FAT3: variants seen among roughly 807,000 people sequenced by gnomAD.
FAT3 encodes the protein FAT atypical cadherin 3, also known as protocadherin Fat 3.
In FAT3, 95 loss-of-function variants were observed where a neutral mutation model predicts 310.2. The observed-to-expected ratio is 0.31, with a 90% CI of 0.26 to 0.36. The LOEUF (loss-of-function observed/expected upper bound fraction) is 0.36. Among genes scored for constraint, FAT3 ranks in the 10% least tolerant of loss-of-function variants. FAT3 has a pLI of 1.00. For missense variants in FAT3, 5,408 were observed against 5,715.6 expected (o/e 0.95, Z 1.74); for synonymous variants, 2,314 against 2,192.9 (o/e 1.06, Z -1.54).
At chr11:92,349,987 A>T (rs1591149083) in intron 1 of FAT3, among the ~76,000 whole-genome samples, 1 of 152,006 alleles carries the variant, frequency 6.6e-6, no homozygotes. Flanking sequence ...CTGAAAAAAA[A>T]AAAAAAAGAA....
At position 92,894,913 on chromosome 11, in the gene FAT3, C is replaced by T. The variant is rs966774106; in HGVS notation, c.*3800C>T. 6.6e-6 allele frequency: 1 copy of T among 152,202 alleles called. No individual in the cohort carries two copies. Among genetic ancestry groups the T allele is most frequent in the Non-Finnish European group, 1.5e-5 (1 of 68,040 alleles). 9.4% of individuals were successfully genotyped at this position (152,202 alleles called of 1,614,324 possible). On this transcript the variant is annotated 3_prime_UTR_variant, in exon 28 of 28. Transcript: ENST00000525166. Reference sequence around the variant, plus strand: ...AAGTTGAACATATCTACCATCAGTCCTCTCCTACTTACTTCCCACCCCACC... The same window carrying T: ...AAGTTGAACATATCTACCATCAGTCTTCTCCTACTTACTTCCCACCCCACC...
At chr11:92,570,485 G>T (rs111531062) in intron 3 of FAT3, among the ~76,000 whole-genome samples, 280 of 152,244 alleles carry the variant, frequency 1.8e-3, no homozygotes, top group African/African-American at 6.3e-3. Context: ...CAAGGGAAGA[G>T]AACAGTGGAA....
At chr11:92,754,223 A>G (rs1945912906) in intron 4 of FAT3, among the ~76,000 whole-genome samples, 1 of 152,174 alleles carries the variant, frequency 6.6e-6, no homozygotes, top group African/African-American at 2.4e-5. Flanking sequence ...TGCTCATTGC[A>G]GCACTATTCA....
intron 3 of FAT3, among the ~76,000 whole-genome samples, chr11:92,655,067 TCATATAACA>T (rs1795176555): frequency 6.6e-6 from 1 of 152,204 alleles, no homozygotes; most frequent in East Asian, 1.9e-4. Flanking sequence ...AGGTCTCAGT[TCATATAACA>T]CCTCCTCAGT....
chr11:92,793,402 C>A (rs1283822676), intron 9 of FAT3, among the ~76,000 whole-genome samples: 1 of 152,120 alleles, frequency 6.6e-6, no homozygotes, highest in East Asian at 1.9e-4. Context: ...GGTCTGTGGG[C>A]TTCAGAAATT....
At chr11:92,773,147 CAAA>C (rs1243297099) in intron 6 of FAT3, among the ~76,000 whole-genome samples, 1 of 152,028 alleles carries the variant, frequency 6.6e-6, no homozygotes, top group Admixed American at 6.5e-5. Context: ...TTCTCCCCCT[CAAA>C]AAAATCTTTC....
chr11:92,666,511 C>A (rs1942955855), intron 3 of FAT3, among the ~76,000 whole-genome samples: 1 of 150,956 alleles, frequency 6.6e-6, no homozygotes, highest in African/African-American at 2.5e-5. Flanking sequence ...GCCACCACGC[C>A]CAGCTATTTT....
chr11:92,805,930 C>A (rs1326554866), intron 11 of FAT3, among the ~76,000 whole-genome samples: 2 of 152,140 alleles, frequency 1.3e-5, no homozygotes, highest in Non-Finnish European at 2.9e-5. Context: ...AAAAGTATTG[C>A]AAATAGATTT....
chr11:92,565,404 C>A lies in FAT3; in HGVS notation c.3607+40456C>A, dbSNP rs1292046515. On this transcript the variant is annotated intron_variant, in intron 3 of 27. Coordinates refer to ENST00000525166, the MANE Select transcript of FAT3 (RefSeq NM_001367949.2). ...ATTGTGGCAATAATCAATAGCTTAC[C>A]AACCAAAAAGAGTCCAGGACCAGAT... is the stretch of plus-strand genomic sequence containing the variant. 1.0e-4 allele frequency among the ~76,000 whole-genome samples: 13 copies of A among 127,872 alleles called. No homozygotes were observed. In the Admixed American group the frequency reaches 1.1e-3, roughly 11 times the overall value. 83.9% of individuals were successfully genotyped at this position (127,872 alleles called of 152,430 possible).
chr11:92,855,381 C>G (rs1005750595), intron 19 of FAT3, among the ~76,000 whole-genome samples: 1 of 152,114 alleles, frequency 6.6e-6, no homozygotes, highest in African/African-American at 2.4e-5. Flanking sequence ...TCCTCTGGTC[C>G]CTCCATTGTG....
intron 22 of FAT3, among the ~76,000 whole-genome samples, chr11:92,871,327 G>T (rs369493044): frequency 2.6e-5 from 4 of 152,132 alleles, no homozygotes; most frequent in African/African-American, 9.7e-5. Flanking sequence ...CTTAACCCTT[G>T]CTACTCAAAG....
chr11:92,722,284 C>T (rs1237082337), intron 4 of FAT3, among the ~76,000 whole-genome samples: 1 of 152,144 alleles, frequency 6.6e-6, no homozygotes, highest in Admixed American at 6.5e-5. Flanking sequence ...AGGCCCCCTG[C>T]AAGTCCAGAA....
rs34936870 is a variant in FAT3, at chr11:92,268,052, C to CAA, written c.-18+42893_-18+42894dup. On this transcript the variant is annotated intron_variant, in intron 1 of 27. Transcript: ENST00000525166. ...TTTAAGTTATCTGCCCTAAGTCCTTCAAAAAAAAAAAAAAAACCTAATCAG... is the reference window on the plus strand; with the variant it reads ...TTTAAGTTATCTGCCCTAAGTCCTTCAAAAAAAAAAAAAAAAAACCTAATCAG... 4.0e-3 allele frequency among the ~76,000 whole-genome samples: 348 copies of CAA among 86,754 alleles called. 1 individual carries two copies. Among genetic ancestry groups the CAA allele is most frequent in the African/African-American group, 0.013 (319 of 24,970 alleles). The allele number at this position is 86,754 out of a possible 152,430, so 56.9% of individuals were successfully genotyped here. A position where few individuals can be genotyped will look rare whatever the true frequency, so the allele number is the denominator to read the frequency against.
chr11:92,828,272 C>G (rs1948149816), intron 13 of FAT3, among the ~76,000 whole-genome samples: 1 of 152,072 alleles, frequency 6.6e-6, no homozygotes, highest in South Asian at 2.1e-4. Flanking sequence ...ATGGCAAAGA[C>G]CCAAATGCTA....
At chr11:92,514,964 CAG>C (rs1232599635) in intron 2 of FAT3, among the ~76,000 whole-genome samples, 1 of 152,126 alleles carries the variant, frequency 6.6e-6, no homozygotes, top group Non-Finnish European at 1.5e-5. Flanking sequence ...TGATTTGGAA[CAG>C]AGTCTGGGTT....
intron 3 of FAT3, among the ~76,000 whole-genome samples, chr11:92,636,706 T>C (rs191142483): frequency 1.0e-3 from 158 of 152,366 alleles, no homozygotes; most frequent in Middle Eastern, 3.4e-3. Context: ...CTGCTTTCAC[T>C]GGGCTTCAGG....
intron 3 of FAT3, among the ~76,000 whole-genome samples, chr11:92,691,625 C>T (rs984478238): frequency 4.6e-5 from 7 of 152,244 alleles, no homozygotes; most frequent in African/African-American, 1.4e-4. Context: ...AAGCAATCCT[C>T]CTGCCTTGGC....
intron 1 of FAT3, among the ~76,000 whole-genome samples, chr11:92,228,000 T>A (rs1863993637): frequency 1.3e-5 from 2 of 151,924 alleles, no homozygotes; most frequent in Non-Finnish European, 2.9e-5. Flanking sequence ...ATCATGAATC[T>A]CAGTTGTTGC....
intron 1 of FAT3, among the ~76,000 whole-genome samples, chr11:92,253,030 T>C (rs1170897169): frequency 6.6e-6 from 1 of 152,108 alleles, no homozygotes; most frequent in East Asian, 1.9e-4. Flanking sequence ...CTAGTAAAGC[T>C]TGGGTACCTC....
Sources: gnomAD v4.1 joint callset for allele counts (sites outside exome capture counted in the v4.1 genomes callset) on GRCh38, gnomAD v4.1.1 for gene constraint, MANE v1.5 for transcripts, NCBI Gene and HGNC (gene_info 2026-07-23, HGNC 2026-07-21) for gene names.